ZNF730: variants seen among roughly 807,000 people sequenced by gnomAD.
ZNF730 encodes the protein putative zinc finger protein 730.
A neutral mutation model predicts 12.6 loss-of-function variants in ZNF730; 12 were observed. That is an observed-to-expected ratio of 0.95 (90% CI 0.61 to 1.54). ZNF730 has a LOEUF of 1.54. ZNF730 is among the 40% of genes most tolerant of loss of function. The probability of loss-of-function intolerance (pLI) is 0.00; values close to 1 mark genes in which losing one functional copy is unlikely to be tolerated. For missense variants in ZNF730, 643 were observed against 583.5 expected (o/e 1.10, Z -1.05); for synonymous variants, 194 against 195.8 (o/e 0.99, Z 0.08).
chr19:23,132,711 T>C (rs1417378884), intron 1 of ZNF730, among the ~76,000 whole-genome samples: 1 of 152,206 alleles, frequency 6.6e-6, no homozygotes, highest in Non-Finnish European at 1.5e-5. Flanking sequence ...GTCTGTGTTC[T>C]CCATCAGCTC....
At chr19:23,094,749 C>T (rs1382425012) in intron 1 of ZNF730, among the ~76,000 whole-genome samples, 1 of 152,146 alleles carries the variant, frequency 6.6e-6, no homozygotes, top group Non-Finnish European at 1.5e-5. Flanking sequence ...GCTGGGATTA[C>T]AGTCGTGAGC....
At chr19:23,127,498 A>G in intron 1 of ZNF730, 1 of 999,732 alleles carries the variant, frequency 1.0e-6, no homozygotes, top group Non-Finnish European at 1.6e-6. Flanking sequence ...AAGCATCAAA[A>G]TCAGCTCTTG....
At chr19:23,113,630 A>G (rs1017746578), upstream of ZNF730, among the ~76,000 whole-genome samples, 1 of 152,238 alleles carries the variant, frequency 6.6e-6, no homozygotes, top group African/African-American at 2.4e-5. Context: ...TGAAAATTTA[A>G]GGAAATAGGT....
intron 1 of ZNF730, among the ~76,000 whole-genome samples, chr19:23,084,687 CCA>C (rs2145455197): frequency 6.6e-6 from 1 of 152,304 alleles, no homozygotes; most frequent in East Asian, 1.9e-4. Context: ...TATTTACCTC[CCA>C]CTTATAAATG....
At chr19:23,104,844 A>C (rs1970374147) in intron 1 of ZNF730, among the ~76,000 whole-genome samples, 1 of 152,150 alleles carries the variant, frequency 6.6e-6, no homozygotes, top group Non-Finnish European at 1.5e-5. Flanking sequence ...GGTCAGTGAA[A>C]AATATCACTT....
At chr19:23,125,891 A>G (rs1258274688) in intron 1 of ZNF730, 3 of 152,738 alleles carry the variant, frequency 2.0e-5, no homozygotes, top group African/African-American at 7.2e-5. Flanking sequence ...AATGTTGAAG[A>G]GTGATACAGT....
intron 1 of ZNF730, among the ~76,000 whole-genome samples, chr19:23,090,014 G>A (rs1051603912): frequency 3.9e-5 from 6 of 152,180 alleles, no homozygotes. Context: ...TTGAGAGGCT[G>A]AGGAGGGCAG....
intron 1 of ZNF730, among the ~76,000 whole-genome samples, chr19:23,085,826 A>ATTTTTTT (rs1383951518): frequency 1.9e-4 from 14 of 72,564 alleles, no homozygotes; most frequent in African/African-American, 7.7e-4. Context: ...ATTTCACCCA[A>ATTTTTTT]TTTTTTTTTC....
At chr19:23,087,643 T>C (rs1011145426) in intron 1 of ZNF730, among the ~76,000 whole-genome samples, 24 of 148,750 alleles carry the variant, frequency 1.6e-4, no homozygotes, top group African/African-American at 5.7e-4. Context: ...TGAGACGGAG[T>C]TTGCTCTTGT....
chr19:23,088,195 T>A (rs949977036), intron 1 of ZNF730, among the ~76,000 whole-genome samples: 1 of 151,436 alleles, frequency 6.6e-6, no homozygotes, highest in Admixed American at 6.6e-5. Context: ...AATTTTTGTA[T>A]TTTTAGTAGA....
chr19:23,091,143 G>A (rs1272575333), intron 1 of ZNF730, among the ~76,000 whole-genome samples: 1 of 152,226 alleles, frequency 6.6e-6, no homozygotes, highest in East Asian at 1.9e-4. Flanking sequence ...AGCTTTGGCT[G>A]TGGCTTCAGA....
chr19:23,126,202 A>G (rs777056076), intron 1 of ZNF730, among the ~76,000 whole-genome samples: 4 of 152,220 alleles, frequency 2.6e-5, no homozygotes, highest in Non-Finnish European at 4.4e-5. Flanking sequence ...TGAACAATGC[A>G]TTCTGAAAAG....
chr19:23,128,278 G>A, intron 1 of ZNF730: 2 of 691,546 alleles, frequency 2.9e-6, no homozygotes, highest in Non-Finnish European at 5.3e-6. Context: ...AGGCCAGAAT[G>A]TTGCAGATTA....
intron 1 of ZNF730, among the ~76,000 whole-genome samples, chr19:23,096,426 T>C (rs1970253556): frequency 6.6e-6 from 1 of 152,182 alleles, no homozygotes; most frequent in Non-Finnish European, 1.5e-5. Flanking sequence ...TATTATAAGA[T>C]ATCTTTCTAT....
At chr19:23,136,877 C>G (rs1474755102) in intron 3 of ZNF730, among the ~76,000 whole-genome samples, 1 of 151,998 alleles carries the variant, frequency 6.6e-6, no homozygotes, top group African/African-American at 2.4e-5. Flanking sequence ...CCTTAGATAA[C>G]AAGGCATTTT....
chr19:23,116,320 TTTTC>T (rs200851346), upstream of ZNF730, among the ~76,000 whole-genome samples: 85 of 29,218 alleles, frequency 2.9e-3, 1 homozygote, highest in Admixed American at 0.011. Context: ...TTTTCTTTTC[TTTTC>T]TTTCTTTCTT....
chr19:23,105,820 CTG>C (rs1970386469), intron 1 of ZNF730, among the ~76,000 whole-genome samples: 1 of 152,136 alleles, frequency 6.6e-6, no homozygotes, highest in African/African-American at 2.4e-5. Context: ...GTTGAATAAA[CTG>C]TGGTGCATCC....
At chr19:23,095,693 C>T (rs1023976455) in intron 1 of ZNF730, 1 of 369,036 alleles carries the variant, frequency 2.7e-6, no homozygotes, top group African/African-American at 2.1e-5. Flanking sequence ...TGGATCCTGC[C>T]TACAAGGTGC....
At chr19:23,109,637 C>A (rs1970438409) in intron 1 of ZNF730, among the ~76,000 whole-genome samples, 1 of 151,998 alleles carries the variant, frequency 6.6e-6, no homozygotes, top group African/African-American at 2.4e-5. Context: ...CCTGACCTGA[C>A]CTGGTTTTGA....
Sources: gnomAD v4.1 joint callset for allele counts (sites outside exome capture counted in the v4.1 genomes callset) on GRCh38, gnomAD v4.1.1 for gene constraint, MANE v1.5 for transcripts, NCBI Gene and HGNC (gene_info 2026-07-23, HGNC 2026-07-21) for gene names.